The following PARD3B variants were observed in gnomAD, a reference collection of about 807,000 sequenced individuals.
PARD3B encodes the protein par-3 family cell polarity regulator beta.
PARD3B carries 103 observed loss-of-function variants against 130.2 expected under a neutral mutation model. The ratio of observed to expected loss-of-function variants is 0.79; its 90% CI spans 0.67 to 0.93. PARD3B has a LOEUF of 0.93. Among genes scored for constraint, PARD3B ranks in the 40% least tolerant of loss-of-function variants. The pLI, the probability that PARD3B is intolerant of heterozygous loss-of-function variation, is 0.00. For missense variants in PARD3B, 1,609 were observed against 1,499.2 expected, an observed-to-expected ratio of 1.07 and a Z score of -1.21; for synonymous variants, 583 against 553.2, an observed-to-expected ratio of 1.05 and a Z score of -0.76.
At chr2:204,776,019 T>C (rs532762171) in intron 2 of PARD3B, among the ~76,000 whole-genome samples, 1 of 152,330 alleles carries the variant, frequency 6.6e-6, no homozygotes, top group East Asian at 1.9e-4. Flanking sequence ...CCCACTTGTT[T>C]GTTCAGCAGA....
intron 16 of PARD3B, among the ~76,000 whole-genome samples, chr2:205,294,442 A>G (rs2105883620): frequency 6.6e-6 from 1 of 152,334 alleles, no homozygotes; most frequent in East Asian, 1.9e-4. Flanking sequence ...AACCTAAACA[A>G]GACATAAAAT....
At chr2:204,748,471 G>C (rs2040334670) in intron 2 of PARD3B, among the ~76,000 whole-genome samples, 2 of 152,094 alleles carry the variant, frequency 1.3e-5, no homozygotes, top group Non-Finnish European at 2.9e-5. Context: ...AGGATATGAA[G>C]TCTAGAGGGA....
rs983690435 is a variant in PARD3B at position 204,605,198 on chromosome 2, C to T, written c.120+59079C>T. Among the ~76,000 whole-genome samples the T allele has an allele frequency of 2.6e-5, 4 of 152,008 alleles. No individual in the cohort carries two copies. In the East Asian group the frequency reaches 5.8e-4, roughly 22 times the overall value. ...CCACAATCTGTTGATCAAGTAAGTC[C>T]GAAAGAAGGCCCCAATTCAAGGAGA... is the stretch of plus-strand genomic sequence containing the variant. On this transcript the variant is annotated intron_variant, in intron 1 of 22. Coordinates refer to ENST00000406610, the MANE Select transcript of PARD3B (RefSeq NM_001302769.2).
chr2:204,572,154 C>G (rs2032039664), intron 1 of PARD3B, among the ~76,000 whole-genome samples: 1 of 152,122 alleles, frequency 6.6e-6, no homozygotes, highest in Admixed American at 6.5e-5. Flanking sequence ...GAACAAAGTA[C>G]TTTGTTAGTT....
intron 2 of PARD3B, among the ~76,000 whole-genome samples, chr2:204,862,340 A>G (rs1423466941): frequency 6.6e-6 from 1 of 152,208 alleles, no homozygotes; most frequent in Non-Finnish European, 1.5e-5. Context: ...CCTGGAAAAT[A>G]AGGGAGTGGC....
intron 2 of PARD3B, among the ~76,000 whole-genome samples, chr2:204,852,482 T>TG (rs377308969): frequency 4.6e-5 from 7 of 152,092 alleles, no homozygotes; most frequent in African/African-American, 1.7e-4. Context: ...TCCTATTTTT[T>TG]CCCAATGCAA....
At chr2:205,220,008 A>G (rs1025420090) in intron 15 of PARD3B, among the ~76,000 whole-genome samples, 2 of 152,186 alleles carry the variant, frequency 1.3e-5, no homozygotes, top group African/African-American at 4.8e-5. Flanking sequence ...AAAGGTCTCA[A>G]CAGGGAGAAC....
intron 2 of PARD3B, among the ~76,000 whole-genome samples, chr2:204,913,156 T>C (rs563226077): frequency 2.0e-5 from 3 of 152,332 alleles, no homozygotes; most frequent in African/African-American, 7.2e-5. Flanking sequence ...TTAACCATTG[T>C]AGAAAGGTGG....
intron 21 of PARD3B, among the ~76,000 whole-genome samples, chr2:205,546,800 T>A (rs932318009): frequency 2.0e-5 from 3 of 152,166 alleles, no homozygotes; most frequent in Non-Finnish European, 4.4e-5. Context: ...ATTGATCAAA[T>A]TATAGGAGAT....
At chr2:205,156,333 A>G (rs1396577091) in intron 10 of PARD3B, among the ~76,000 whole-genome samples, 1 of 151,658 alleles carries the variant, frequency 6.6e-6, no homozygotes, top group Admixed American at 6.6e-5. Flanking sequence ...TAATGGGTGC[A>G]GCACACCAGC....
chr2:204,668,821 T>C (rs893670021), intron 1 of PARD3B, among the ~76,000 whole-genome samples: 12 of 152,290 alleles, frequency 7.9e-5, no homozygotes, highest in Middle Eastern at 6.8e-3. Flanking sequence ...TTAAGATTGG[T>C]CAGTTTACTT....
rs76599110 is a variant in PARD3B, at chr2:204,694,311, T to C, written c.222+8029T>C. On this transcript the variant is annotated intron_variant, in intron 2 of 22. Coordinates refer to ENST00000406610, the MANE Select transcript of PARD3B (RefSeq NM_001302769.2). ...AACGATTAAGTGGTCTTTTTTTCTT[T>C]TTCAAATGTTATTGGCTAGTAACAT... 9.8e-3 allele frequency among the ~76,000 whole-genome samples: 1,487 copies of C among 152,190 alleles called. 14 individuals are homozygous for C. Among genetic ancestry groups the C allele is most frequent in the Non-Finnish European group, 0.016 (1,119 of 67,974 alleles).
intron 2 of PARD3B, among the ~76,000 whole-genome samples, chr2:204,869,837 A>G (rs985329879): frequency 6.6e-6 from 1 of 152,176 alleles, no homozygotes; most frequent in Admixed American, 6.5e-5. Flanking sequence ...GAATTGTTTT[A>G]AAGATATGTG....
At position 204,967,467 on chromosome 2, in the gene PARD3B, C is replaced by T. The variant is rs1466881093; in HGVS notation, c.394+2144C>T. Among the ~76,000 whole-genome samples, 2 of 152,186 alleles carry T rather than the reference C, an allele frequency of 1.3e-5. No homozygotes were observed. The highest frequency in any genetic ancestry group is 4.8e-5 in the African/African-American group (2 of 41,446). ...TCACAAATCTGATTATGTAATATAA[C>T]TCCCCTGCTTAACGACCTTCACTGG... On this transcript the variant is annotated intron_variant, in intron 3 of 22. Transcript: ENST00000406610. The surrounding 1 kb of genome is among the most constrained non-coding windows in gnomAD (Gnocchi z 4.4).
In PARD3B at chr2:204,778,920, G is replaced by A. The variant is rs537569473; in HGVS notation, c.222+92638G>A. ...GAGTTCTTATTGCTCTTAAGATGAA[G>A]ATCAAAATCTTTACCATGGCCTACA... On this transcript the variant is annotated intron_variant, in intron 2 of 22. Coordinates refer to ENST00000406610, the MANE Select transcript of PARD3B (RefSeq NM_001302769.2). Among the ~76,000 whole-genome samples the A allele has an allele frequency of 3.3e-5, 5 of 152,218 alleles. No individual in the cohort carries two copies. In the South Asian group the frequency reaches 1.0e-3, roughly 32 times the overall value.
chr2:204,899,428 T>C (rs2046778440), intron 2 of PARD3B, among the ~76,000 whole-genome samples: 1 of 152,170 alleles, frequency 6.6e-6, no homozygotes, highest in African/African-American at 2.4e-5. Context: ...GCAAATAATC[T>C]CTAATAACCC....
rs1365649111 is a variant in PARD3B at position 204,890,798 on chromosome 2, G to A, written c.223-74354G>A. Among the ~76,000 whole-genome samples, 1 of 152,186 alleles carries A rather than the reference G, an allele frequency of 6.6e-6. No individual in the cohort carries two copies. The highest frequency in any genetic ancestry group is 2.4e-5 in the African/African-American group (1 of 41,450). ...GTTCCCTCACTCATTTTTATTAAGT[G>A]ATAGCACGTTTCACTGCAGCTACTA... On this transcript the variant is annotated intron_variant, in intron 2 of 22. Coordinates refer to ENST00000406610, the MANE Select transcript of PARD3B (RefSeq NM_001302769.2). This position sits in a 1 kb window ranked among gnomAD's most constrained non-coding sequence, Gnocchi z 4.9.
intron 2 of PARD3B, among the ~76,000 whole-genome samples, chr2:204,792,856 TC>T (rs1387130630): frequency 1.3e-5 from 2 of 152,096 alleles, no homozygotes; most frequent in African/African-American, 2.4e-5. Context: ...ACCTCCTACA[TC>T]TCTCTTAATC....
chr2:205,536,408 T>C (rs1180667779), intron 21 of PARD3B, among the ~76,000 whole-genome samples: 1 of 152,182 alleles, frequency 6.6e-6, no homozygotes, highest in Non-Finnish European at 1.5e-5. Flanking sequence ...TGAATTATGG[T>C]ATTTGATCTC....
Sources: allele counts gnomAD v4.1 joint callset (sites outside exome capture counted in the v4.1 genomes callset), GRCh38; gene constraint gnomAD v4.1.1; non-coding constraint Gnocchi (gnomAD v3.1); transcripts MANE v1.5; gene names NCBI Gene and HGNC (gene_info 2026-07-23, HGNC 2026-07-21).